ALKBH8: variants seen among roughly 807,000 people sequenced by gnomAD.
ALKBH8 encodes the protein tRNA (carboxymethyluridine(34)-5-O)-methyltransferase ALKBH8.
Under a neutral mutation model 59.8 loss-of-function variants are expected in ALKBH8, and 36 were observed. The observed-to-expected ratio is 0.60, with a 90% CI of 0.46 to 0.79. The LOEUF is 0.79. Among genes scored for constraint, ALKBH8 ranks in the 30% least tolerant of loss-of-function variants. The pLI is 0.00. For missense variants in ALKBH8, 768 were observed against 801.0 expected, an observed-to-expected ratio of 0.96 and a Z score of 0.50; for synonymous variants, 276 against 273.6, an observed-to-expected ratio of 1.01 and a Z score of -0.09.
At position 107,524,945 on chromosome 11, in the gene ALKBH8, A is replaced by T. The variant is rs191489236; in HGVS notation, c.1030+496T>A. On this transcript the variant is annotated intron_variant, in intron 9 of 11. Transcript: ENST00000428149. ...CGATTCAAAATAGCATCCTCTTGAC[A>T]AGTTTTTGAGCAGTTTTTATTCCCT... Among the ~76,000 whole-genome samples the T allele has an allele frequency of 4.2e-3, 642 of 152,308 alleles. 3 individuals are homozygous for T. Among genetic ancestry groups the T allele is most frequent in the Non-Finnish European group, 7.1e-3 (485 of 68,024 alleles).
chr11:107,523,443 C>G (rs1863212795), intron 9 of ALKBH8, among the ~76,000 whole-genome samples: 1 of 151,816 alleles, frequency 6.6e-6, no homozygotes, highest in African/African-American at 2.4e-5. Context: ...ATGGTGGTTA[C>G]CAGGGGCTGG....
intron 7 of ALKBH8, among the ~76,000 whole-genome samples, chr11:107,536,221 A>G (rs1199153211): frequency 1.3e-5 from 2 of 152,228 alleles, no homozygotes; most frequent in African/African-American, 4.8e-5. Context: ...ACTCGGCAGC[A>G]CTGGAGTCTC....
At chr11:107,509,841 C>T (rs916527289) in intron 11 of ALKBH8, among the ~76,000 whole-genome samples, 28 of 151,988 alleles carry the variant, frequency 1.8e-4, no homozygotes, top group Middle Eastern at 3.4e-3. Context: ...TTTGTGATTG[C>T]AAAAAATGGA....
At chr11:107,515,885 T>C (rs1862842670) in intron 10 of ALKBH8, among the ~76,000 whole-genome samples, 1 of 152,132 alleles carries the variant, frequency 6.6e-6, no homozygotes, top group African/African-American at 2.4e-5. Context: ...GCTCAACCAT[T>C]TAAAAGAGCA....
chr11:107,512,711 C>T (rs866465321), intron 10 of ALKBH8, among the ~76,000 whole-genome samples: 1 of 152,144 alleles, frequency 6.6e-6, no homozygotes, highest in Non-Finnish European at 1.5e-5. Flanking sequence ...TTTAGTCAAA[C>T]AGAAGTGGCC....
intron 1 of ALKBH8, among the ~76,000 whole-genome samples, chr11:107,562,345 A>G (rs1864971516): frequency 6.6e-6 from 1 of 152,074 alleles, no homozygotes; most frequent in South Asian, 2.1e-4. Context: ...GAAGGCCTCA[A>G]AACAGGAGAT....
In ALKBH8 at chr11:107,503,882, T is replaced by C. The variant is rs775872861; in HGVS notation, c.*776A>G. 2.0e-5 allele frequency: 3 copies of C among 152,206 alleles called. No homozygotes were observed. Among genetic ancestry groups the C allele is most frequent in the Non-Finnish European group, 4.4e-5 (3 of 68,042 alleles). The allele number at this position is 152,206 out of a possible 1,614,324, so 9.4% of individuals were successfully genotyped here. ...AGTAGTTATTTCAGTCACTTAAAAG[T>C]AATCTTTTGCTCCAAGGTGAATCGT... On this transcript the variant is annotated 3_prime_UTR_variant, in exon 12 of 12. Coordinates refer to ENST00000428149, the MANE Select transcript of ALKBH8 (RefSeq NM_138775.3).
chr11:107,560,942 C>T (rs774477055), intron 1 of ALKBH8, 43 bp from the exon 2 acceptor site: 2 of 1,521,956 alleles, frequency 1.3e-6, no homozygotes, highest in African/African-American at 2.8e-5. Flanking sequence ...CTTAAGAGTC[C>T]TGAAGGAACA....
intron 7 of ALKBH8, among the ~76,000 whole-genome samples, chr11:107,536,520 T>C (rs1230443329): frequency 6.6e-6 from 1 of 152,110 alleles, no homozygotes; most frequent in Non-Finnish European, 1.5e-5. Flanking sequence ...TATAATAGCA[T>C]AAACAAAGGT....
chr11:107,562,660 A>T (rs1864983234), intron 1 of ALKBH8: 1 of 152,208 alleles, frequency 6.6e-6, no homozygotes, highest in Non-Finnish European at 1.5e-5. Context: ...GTCTCTTAAA[A>T]TGCCAGCAGT....
chr11:107,540,724 C>T (rs925487304), intron 7 of ALKBH8, among the ~76,000 whole-genome samples: 1 of 152,166 alleles, frequency 6.6e-6, no homozygotes, highest in Non-Finnish European at 1.5e-5. Flanking sequence ...AATCCACCAA[C>T]ATTCAAAAAT....
Position 107,549,907 on chromosome 11 carries a change from T to G in ALKBH8, c.701-84A>C, listed in dbSNP as rs953633375. On this transcript the variant is annotated intron_variant, in intron 6 of 11. Transcript: ENST00000428149. ...GGCTATAAATGTAGCCTTATGCTAT[T>G]AAGGTGAAAACATTGCTTGGTAATC... The G allele has an allele frequency of 8.2e-6, 8 of 975,100 alleles. No individual in the cohort carries two copies. The East Asian group carries it at 2.2e-4, about 26-fold the overall frequency. The allele number at this position is 975,100 out of a possible 1,614,324, so 60.4% of individuals were successfully genotyped here.
Position 107,503,087 on chromosome 11 carries a change from T to C in ALKBH8, c.*1571A>G, listed in dbSNP as rs181547330. The stretch of plus-strand genomic sequence containing the variant: ...CTCCCTTCTTGAGTCAATTTTGGTA[T>C]TTTTCATCTTCATAGAAAATCATCT... On this transcript the variant is annotated 3_prime_UTR_variant, in exon 12 of 12. Transcript: ENST00000428149. 3.3e-5 allele frequency: 5 copies of C among 152,198 alleles called. 1 individual carries two copies. In the South Asian group the frequency reaches 1.0e-3, roughly 32 times the overall value. The allele number at this position is 152,198 out of a possible 1,614,324, so 9.4% of individuals were successfully genotyped here.
chr11:107,535,928 A>G (rs1489005125), intron 7 of ALKBH8, among the ~76,000 whole-genome samples: 1 of 152,232 alleles, frequency 6.6e-6, no homozygotes, highest in Non-Finnish European at 1.5e-5. Context: ...AAACACAAGC[A>G]ATCAAGTGTT....
intron 7 of ALKBH8, among the ~76,000 whole-genome samples, chr11:107,536,912 G>A (rs754495623): frequency 2.6e-5 from 4 of 152,188 alleles, no homozygotes; most frequent in Non-Finnish European, 4.4e-5. Context: ...AGCCAGGGAC[G>A]TTTGACCCCT....
At chr11:107,539,037 T>G (rs969805244) in intron 7 of ALKBH8, among the ~76,000 whole-genome samples, 3 of 152,238 alleles carry the variant, frequency 2.0e-5, no homozygotes, top group African/African-American at 7.2e-5. Flanking sequence ...TCTATAGTTG[T>G]GCTAACAATT....
At chr11:107,512,078 T>C (rs1158328631) in intron 10 of ALKBH8, among the ~76,000 whole-genome samples, 1 of 152,136 alleles carries the variant, frequency 6.6e-6, no homozygotes, top group Non-Finnish European at 1.5e-5. Flanking sequence ...TAGCATGCCT[T>C]ATGTATGCAT....
In ALKBH8 at chr11:107,532,352, G is replaced by A. The variant is rs761395801; in HGVS notation, c.826C>T (p.Arg276Cys). 6.8e-6 allele frequency: 11 copies of A among 1,613,610 alleles called. No individual in the cohort carries two copies. The highest frequency in any genetic ancestry group is 1.7e-5 in the Admixed American group (1 of 60,012). Residue 276 changes from arginine (R) to cysteine (C), a missense_variant, in exon 8 of 12, where the codon CGT (arginine) becomes TGT (cysteine). By Grantham distance (180) the Arg-to-Cys change is radical (BLOSUM62 -3). Coordinates refer to ENST00000428149, the MANE Select transcript of ALKBH8 (RefSeq NM_138775.3). ...CCTGTCATCACCAGCAAACTCCGAC[G>A]AGGCAACATAACTGGCACTGCAATG... ...DGIAVPVMLP[R>C]RSLLVMTGES...
chr11:107,555,249 G>C (rs1042554059), intron 3 of ALKBH8, among the ~76,000 whole-genome samples: 1 of 151,906 alleles, frequency 6.6e-6, no homozygotes, highest in Non-Finnish European at 1.5e-5. Context: ...GAAAGAGCAG[G>C]ACTCTGTCTC....
Sources: allele counts gnomAD v4.1 joint callset (sites outside exome capture counted in the v4.1 genomes callset), GRCh38; gene constraint gnomAD v4.1.1; transcripts MANE v1.5; gene names NCBI Gene and HGNC (gene_info 2026-07-23, HGNC 2026-07-21).